Variants in SFXN1 observed in about 807,000 individuals in gnomAD.
SFXN1 encodes sideroflexin 1, also known as sideroflexin-1.
A neutral mutation model predicts 39.5 loss-of-function variants in SFXN1; 32 were observed. That is an observed-to-expected ratio of 0.81 (90% confidence interval 0.61 to 1.09). The LOEUF (loss-of-function observed/expected upper bound fraction) is 1.09, where lower values mean the gene tolerates loss of function less well. SFXN1 is among the 50% of genes least tolerant of loss of function. The pLI is 0.00. For synonymous variants in SFXN1, 136 were observed against 146.5 expected (o/e 0.93, Z 0.52); for missense variants, 402 against 407.1 (o/e 0.99, Z 0.11).
chr5:175,501,690 A>C (rs1156867660), intron 2 of SFXN1, among the ~76,000 whole-genome samples: 1 of 152,182 alleles, frequency 6.6e-6, no homozygotes, highest in East Asian at 1.9e-4. Flanking sequence ...AGGACACTTC[A>C]CCATAGAAGA....
intron 2 of SFXN1, among the ~76,000 whole-genome samples, chr5:175,502,621 C>T (rs1373783809): frequency 6.6e-6 from 1 of 152,118 alleles, no homozygotes; most frequent in African/African-American, 2.4e-5. Flanking sequence ...GGGAGGATTG[C>T]CTGAGCTCAG....
In SFXN1 at chr5:175,509,035, A is replaced by G. The variant is rs35420613; in HGVS notation, c.168A>G (p.Gln56=). 0.071 allele frequency: 113,919 copies of G among 1,602,766 alleles called. 4,865 individuals carry two copies. Among genetic ancestry groups the G allele is most frequent in the Admixed American group, 0.13 (7,698 of 58,156 alleles). Residue 56 remains glutamine, a synonymous_variant, in exon 3 of 11, where the codon CAA becomes CAG. Coordinates refer to ENST00000321442, the MANE Select transcript of SFXN1 (RefSeq NM_022754.7). ...ATATTATTTGTTGTTTTCTTAGGCA[A>G]GGAATTGTTCCTCCTGGTCTTACAG... ...SARKIVHDYR[Q]GIVPPGLTEN...
chr5:175,519,685 G>A (rs1344668215), intron 8 of SFXN1, among the ~76,000 whole-genome samples: 1 of 151,776 alleles, frequency 6.6e-6, no homozygotes, highest in African/African-American at 2.4e-5. Context: ...GTGGTACAAG[G>A]AACAAGAAAA....
intron 5 of SFXN1, 31 bp from the exon 6 acceptor site, chr5:175,512,080 G>T: frequency 1.3e-6 from 2 of 1,591,472 alleles, no homozygotes; most frequent in Non-Finnish European, 1.7e-6. Context: ...GGAAAAATAA[G>T]ATAAAGCTCT....
At chr5:175,478,831 G>A (rs995955153) in intron 1 of SFXN1, among the ~76,000 whole-genome samples, 192 bp downstream of exon 1, 2 of 152,086 alleles carry the variant, frequency 1.3e-5, no homozygotes, top group Admixed American at 1.3e-4. Flanking sequence ...CCTGCACCTG[G>A]GGATCCCTGG....
chr5:175,523,447 T>A (rs146099494), intron 10 of SFXN1: 2 of 152,332 alleles, frequency 1.3e-5, no homozygotes, highest in Non-Finnish European at 2.9e-5. Flanking sequence ...TTCTGTAGTA[T>A]GTGGCTTATG....
chr5:175,521,808 G>C, intron 8 of SFXN1, 111 bp from the exon 9 acceptor site: 1 of 842,578 alleles, frequency 1.2e-6, no homozygotes, highest in South Asian at 2.2e-5. Context: ...CACTAACCAT[G>C]TTCTATCTGA....
At chr5:175,510,396 G>T in intron 4 of SFXN1, 189 bp downstream of exon 4, 1 of 562,950 alleles carries the variant, frequency 1.8e-6, no homozygotes, top group Non-Finnish European at 3.1e-6. Flanking sequence ...TCCCTATCAA[G>T]AAAACAGTCT....
intron 2 of SFXN1, among the ~76,000 whole-genome samples, chr5:175,494,673 A>G (rs1759789127): frequency 6.6e-6 from 1 of 151,768 alleles, no homozygotes. Flanking sequence ...AACCGCTTGA[A>G]CCTGGGAGGC....
intron 7 of SFXN1, among the ~76,000 whole-genome samples, chr5:175,514,073 G>C (rs1760634541): frequency 6.6e-6 from 1 of 152,132 alleles, no homozygotes; most frequent in Non-Finnish European, 1.5e-5. Flanking sequence ...TTGCATACAG[G>C]AGCAGCACAG....
intron 8 of SFXN1, among the ~76,000 whole-genome samples, chr5:175,520,771 G>C (rs1561676143): frequency 6.6e-6 from 1 of 152,150 alleles, no homozygotes; most frequent in Non-Finnish European, 1.5e-5. Flanking sequence ...ATGTCACCTG[G>C]CTAGGAAGCG....
chr5:175,504,885 C>T (rs1242127228), intron 2 of SFXN1, among the ~76,000 whole-genome samples: 6 of 151,910 alleles, frequency 3.9e-5, no homozygotes, highest in Non-Finnish European at 7.4e-5. Flanking sequence ...CCCGCCACCA[C>T]GCCCAGCTGA....
intron 5 of SFXN1, 115 bp from the exon 6 acceptor site, chr5:175,511,996 G>A (rs1206997513): frequency 3.2e-6 from 3 of 940,294 alleles, no homozygotes; most frequent in African/African-American, 1.7e-5. Context: ...CTTGGCCTGA[G>A]TTTCTATGCA....
intron 2 of SFXN1, among the ~76,000 whole-genome samples, chr5:175,498,617 AC>A (rs1759955223): frequency 6.6e-6 from 1 of 152,206 alleles, no homozygotes; most frequent in Non-Finnish European, 1.5e-5. Flanking sequence ...GGTAAGTCTA[AC>A]CATTCTAAAG....
At chr5:175,518,685 G>A (rs1265534488) in intron 8 of SFXN1, among the ~76,000 whole-genome samples, 1 of 152,210 alleles carries the variant, frequency 6.6e-6, no homozygotes, top group African/African-American at 2.4e-5. Context: ...TTGGAAGTTT[G>A]TGGATGGTTA....
In SFXN1 at chr5:175,499,903, A is replaced by T. The variant is rs556338239; in HGVS notation, c.164+7636A>T. ...GTGATCATCTATATAGAAAGAATTT[A>T]CCAGGCCAGGCGCAGTGGCTCATGC... On this transcript the variant is annotated intron_variant, in intron 2 of 10. Transcript: ENST00000321442. 1.4e-4 allele frequency among the ~76,000 whole-genome samples: 22 copies of T among 152,364 alleles called. No homozygotes were observed. The Middle Eastern group carries it at 0.014, about 95-fold the overall frequency.
At chr5:175,516,360 T>C (rs1410473149) in intron 7 of SFXN1, among the ~76,000 whole-genome samples, 2 of 152,226 alleles carry the variant, frequency 1.3e-5, no homozygotes, top group Non-Finnish European at 2.9e-5. Flanking sequence ...AAAAGTAAAG[T>C]TCTTTTCAAG....
intron 4 of SFXN1, 78 bp from the exon 5 acceptor site, chr5:175,511,373 T>G: frequency 9.3e-7 from 1 of 1,080,248 alleles, no homozygotes; most frequent in Non-Finnish European, 1.4e-6. Context: ...TATTTCCCTT[T>G]TATTTCTTCA....
At chr5:175,502,757 C>T (rs1003859408) in intron 2 of SFXN1, among the ~76,000 whole-genome samples, 9 of 152,116 alleles carry the variant, frequency 5.9e-5, no homozygotes, top group African/African-American at 1.9e-4. Flanking sequence ...AGGAGAATCG[C>T]TTGAACCCGG....
Sources: gnomAD v4.1 joint callset for allele counts (sites outside exome capture counted in the v4.1 genomes callset) on GRCh38, gnomAD v4.1.1 for gene constraint, MANE v1.5 for transcripts, NCBI Gene and HGNC (gene_info 2026-07-23, HGNC 2026-07-21) for gene names.